Variants in ASTN2 observed in about 807,000 individuals in gnomAD.
The protein encoded by ASTN2 is astrotactin-2.
Under a neutral mutation model 139.8 loss-of-function variants are expected in ASTN2, and 54 were observed. That is an observed-to-expected ratio of 0.39 (90% confidence interval 0.31 to 0.48). The LOEUF (loss-of-function observed/expected upper bound fraction) is 0.48, where lower values mean the gene tolerates loss of function less well. Among genes scored for constraint, ASTN2 ranks in the 20% least tolerant of loss-of-function variants. The pLI, the probability that ASTN2 is intolerant of heterozygous loss-of-function variation, is 0.95. For missense variants in ASTN2, 1,565 were observed against 1,725.1 expected, an observed-to-expected ratio of 0.91 and a Z score of 1.64; for synonymous variants, 756 against 719.5, an observed-to-expected ratio of 1.05 and a Z score of -0.81.
At chr9:117,082,149 C>T (rs536855437) in intron 5 of ASTN2, among the ~76,000 whole-genome samples, 1 of 152,198 alleles carries the variant, frequency 6.6e-6, no homozygotes, top group African/African-American at 2.4e-5. Flanking sequence ...GAGCTCAGAT[C>T]TGGTTGGCAA....
At chr9:116,759,977 A>G (rs10983339) in intron 13 of ASTN2, among the ~76,000 whole-genome samples, 62,098 of 152,100 alleles carry the variant, frequency 0.41, 14,074 homozygotes, top group Non-Finnish European at 0.51. Context: ...TTTCTCTTGC[A>G]GGACCCTGGT....
intron 19 of ASTN2, among the ~76,000 whole-genome samples, chr9:116,516,931 C>A (rs552346085): frequency 8.1e-4 from 124 of 152,278 alleles, no homozygotes; most frequent in Non-Finnish European, 1.5e-3. Context: ...GGCCTGGGAA[C>A]CATACCCCAT....
intron 19 of ASTN2, among the ~76,000 whole-genome samples, chr9:116,575,202 A>T (rs1570196): frequency 2.6e-5 from 4 of 151,824 alleles, no homozygotes; most frequent in Non-Finnish European, 5.9e-5. Flanking sequence ...TTATTGGCTT[A>T]CCTCTTTTTT....
chr9:116,906,720 T>G lies in ASTN2; in HGVS notation c.1890-42987A>C, dbSNP rs1006250352. Among the ~76,000 whole-genome samples, 17 of 152,208 alleles carry G rather than the reference T, an allele frequency of 1.1e-4. No homozygotes were observed. In the East Asian group the frequency reaches 3.1e-3, roughly 28 times the overall value. On this transcript the variant is annotated intron_variant, in intron 10 of 22. Coordinates refer to ENST00000313400, the MANE Select transcript of ASTN2 (RefSeq NM_001365068.1). Reference sequence around the variant, plus strand: ...TTGTACCTCAGAGTCTGGTATTTGGTGACTACTCAGGGAGTGTGAGTTGAG... The same window carrying G: ...TTGTACCTCAGAGTCTGGTATTTGGGGACTACTCAGGGAGTGTGAGTTGAG...
At chr9:117,411,904 G>A (rs1831172076) in intron 1 of ASTN2, among the ~76,000 whole-genome samples, 2 of 152,150 alleles carry the variant, frequency 1.3e-5, no homozygotes, top group African/African-American at 4.8e-5. Context: ...TTAAAAGTCT[G>A]GGGATGGGAT....
intron 2 of ASTN2, among the ~76,000 whole-genome samples, chr9:117,226,119 T>C (rs1400878847): frequency 6.6e-6 from 1 of 152,186 alleles, no homozygotes; most frequent in Admixed American, 6.5e-5. Context: ...AAAAGATTTT[T>C]CTTGCAATTC....
chr9:116,759,207 C>A (rs781321678), intron 13 of ASTN2, among the ~76,000 whole-genome samples: 1 of 152,158 alleles, frequency 6.6e-6, no homozygotes, highest in South Asian at 2.1e-4. Context: ...CTATCATAGA[C>A]TCTACCACTT....
At chr9:116,487,855 T>C (rs1849390051) in intron 19 of ASTN2, among the ~76,000 whole-genome samples, 1 of 152,118 alleles carries the variant, frequency 6.6e-6, no homozygotes, top group African/African-American at 2.4e-5. Context: ...TGTTATTCAC[T>C]CCCTGTTAAC....
chr9:116,809,156 A>C (rs112545234), intron 12 of ASTN2, among the ~76,000 whole-genome samples: 1 of 151,962 alleles, frequency 6.6e-6, no homozygotes, highest in Non-Finnish European at 1.5e-5. Flanking sequence ...AATTTGTGCA[A>C]TGTTTAGAAA....
intron 13 of ASTN2, among the ~76,000 whole-genome samples, chr9:116,794,096 CTT>C (rs35428342): frequency 0.019 from 2,320 of 123,786 alleles, 42 homozygotes; most frequent in African/African-American, 0.063. Context: ...AAATAAACAC[CTT>C]TTTTTTTTTT....
intron 7 of ASTN2, among the ~76,000 whole-genome samples, chr9:117,004,558 T>C (rs1191096251): frequency 6.6e-6 from 1 of 152,212 alleles, no homozygotes; most frequent in Non-Finnish European, 1.5e-5. Flanking sequence ...AGTCGTCTCC[T>C]TACTTCTGAA....
chr9:116,802,083 C>CTTTTTTTT (rs796156202), intron 13 of ASTN2, among the ~76,000 whole-genome samples: 41 of 121,744 alleles, frequency 3.4e-4, no homozygotes, highest in Non-Finnish European at 5.3e-4. Flanking sequence ...TTCTTTCTTT[C>CTTTTTTTT]TTTTTTTTTT....
intron 5 of ASTN2, among the ~76,000 whole-genome samples, chr9:117,090,031 G>A (rs1302548937): frequency 6.6e-6 from 1 of 152,176 alleles, no homozygotes; most frequent in East Asian, 1.9e-4. Context: ...TCCTGGACCA[G>A]ACATACAGGT....
intron 20 of ASTN2, among the ~76,000 whole-genome samples, chr9:116,475,117 T>C (rs191061990): frequency 7.9e-5 from 12 of 152,286 alleles, no homozygotes; most frequent in African/African-American, 9.6e-5. Flanking sequence ...ACCTACAAAA[T>C]TGGTTTATTT....
chr9:117,248,424 A>G (rs1257447205), intron 2 of ASTN2, among the ~76,000 whole-genome samples: 1 of 152,206 alleles, frequency 6.6e-6, no homozygotes, highest in Non-Finnish European at 1.5e-5. Flanking sequence ...AAACATCATG[A>G]AGTATCTTCC....
intron 13 of ASTN2, among the ~76,000 whole-genome samples, chr9:116,781,220 G>A (rs142034838): frequency 3.6e-4 from 55 of 152,262 alleles, no homozygotes; most frequent in African/African-American, 1.2e-3. Context: ...GCTGACTGGA[G>A]CTTTCTACAA....
At chr9:116,807,543 G>C (rs1831060012) in intron 12 of ASTN2, among the ~76,000 whole-genome samples, 1 of 152,180 alleles carries the variant, frequency 6.6e-6, no homozygotes, top group South Asian at 2.1e-4. Flanking sequence ...CCTTGGTAAA[G>C]TATATCCCCT....
intron 17 of ASTN2, among the ~76,000 whole-genome samples, chr9:116,626,024 G>C (rs978142126): frequency 6.6e-6 from 1 of 152,016 alleles, no homozygotes; most frequent in Non-Finnish European, 1.5e-5. Context: ...TTGTTGCCCA[G>C]GCTAGAGTGC....
intron 19 of ASTN2, among the ~76,000 whole-genome samples, chr9:116,526,817 C>G (rs996511873): frequency 3.9e-5 from 6 of 151,972 alleles, no homozygotes; most frequent in African/African-American, 1.5e-4. Context: ...AATTCTGGCC[C>G]AAAGCAAGTG....
Sources: allele counts gnomAD v4.1 joint callset (sites outside exome capture counted in the v4.1 genomes callset), GRCh38; gene constraint gnomAD v4.1.1; transcripts MANE v1.5; gene names NCBI Gene and HGNC (gene_info 2026-07-23, HGNC 2026-07-21).